NREP: variants seen among roughly 807,000 people sequenced by gnomAD.
The protein encoded by NREP is neuronal regeneration related protein.
In NREP, 5 loss-of-function variants were observed where a neutral mutation model predicts 8.6. The ratio of observed to expected loss-of-function variants is 0.58; its 90% CI spans 0.30 to 1.22. NREP has a LOEUF of 1.22. Among genes scored for constraint, NREP ranks in the 50% most tolerant of loss-of-function variants. The pLI is 0.07. For synonymous variants in NREP, 27 were observed against 28.0 expected (o/e 0.96, Z 0.11); for missense variants, 86 against 82.5 (o/e 1.04, Z -0.17).
chr5:111,972,640 G>C (rs1756853928), intron 2 of NREP, among the ~76,000 whole-genome samples: 1 of 152,182 alleles, frequency 6.6e-6, no homozygotes, highest in Non-Finnish European at 1.5e-5. Context: ...TGGGGTCACA[G>C]TCCAGGTCCC....
chr5:111,822,906 G>A lies in NREP; in HGVS notation c.136-87399C>T, dbSNP rs536105343. Among the ~76,000 whole-genome samples the A allele has an allele frequency of 3.3e-5, 5 of 152,248 alleles. No individual in the cohort carries two copies. In the South Asian group the frequency reaches 1.0e-3, roughly 32 times the overall value. On this transcript the variant is annotated intron_variant, in intron 2 of 3. Transcript: ENST00000395634. ...ACTGGAATCAATAAATAAGAATCAAGTAAAAATTATAAAACTAAAAGCCAT... is the reference window on the plus strand; with the variant it reads ...ACTGGAATCAATAAATAAGAATCAAATAAAAATTATAAAACTAAAAGCCAT...
intron 2 of NREP, among the ~76,000 whole-genome samples, chr5:111,963,276 A>G (rs550175973): frequency 1.5e-3 from 222 of 152,326 alleles, no homozygotes; most frequent in Non-Finnish European, 2.5e-3. Flanking sequence ...CCCTCACACA[A>G]GAGGTTGAGC....
chr5:111,768,427 G>A (rs950934375), intron 2 of NREP, among the ~76,000 whole-genome samples: 5 of 152,172 alleles, frequency 3.3e-5, no homozygotes, highest in African/African-American at 4.8e-5. Flanking sequence ...GTTATATTGT[G>A]TGGTATTGAG....
intron 2 of NREP, among the ~76,000 whole-genome samples, chr5:111,748,540 G>T (rs1249854080): frequency 1.3e-5 from 2 of 152,130 alleles, no homozygotes; most frequent in Non-Finnish European, 2.9e-5. Flanking sequence ...AGGTATGGGA[G>T]CACAGATTAG....
chr5:111,953,316 G>C (rs2112638333), intron 2 of NREP, among the ~76,000 whole-genome samples: 1 of 152,234 alleles, frequency 6.6e-6, no homozygotes, highest in South Asian at 2.1e-4. Flanking sequence ...ATGGCAGTGG[G>C]CATGGGATAT....
At chr5:111,964,543 T>G (rs1466762156) in intron 2 of NREP, among the ~76,000 whole-genome samples, 1 of 152,012 alleles carries the variant, frequency 6.6e-6, no homozygotes, top group African/African-American at 2.4e-5. Flanking sequence ...AAAATTTTTG[T>G]ATATTTAGTA....
At chr5:111,757,399 T>G (rs1581092889), upstream of NREP, 1 of 960,710 alleles carries the variant, frequency 1.0e-6, no homozygotes, top group Non-Finnish European at 1.2e-6. Context: ...TCTCCAAGAG[T>G]GTGTGTGTCT....
At chr5:111,968,852 A>G (rs1428507735) in intron 2 of NREP, among the ~76,000 whole-genome samples, 1 of 152,182 alleles carries the variant, frequency 6.6e-6, no homozygotes, top group East Asian at 1.9e-4. Flanking sequence ...TGTCTACAAA[A>G]CAAAGTCATA....
chr5:111,934,628 C>A (rs751441053), intron 2 of NREP, among the ~76,000 whole-genome samples: 2 of 152,064 alleles, frequency 1.3e-5, no homozygotes, highest in Non-Finnish European at 2.9e-5. Flanking sequence ...TTCTCCTTGA[C>A]TCTCAGGAGG....
chr5:111,731,430 T>TA (rs11376552), intron 3 of NREP, among the ~76,000 whole-genome samples: 118,277 of 141,440 alleles, frequency 0.84, 49,534 homozygotes, highest in Middle Eastern at 0.9. Flanking sequence ...TTGATAATTA[T>TA]AAAAAAAAAA....
At chr5:111,812,168 T>C (rs917388205) in intron 2 of NREP, among the ~76,000 whole-genome samples, 12 of 152,070 alleles carry the variant, frequency 7.9e-5, no homozygotes, top group Admixed American at 6.6e-4. Context: ...ACACCGGTAG[T>C]CCCAGCTAAT....
intron 2 of NREP, among the ~76,000 whole-genome samples, chr5:111,920,017 A>G (rs979973716): frequency 5.5e-5 from 8 of 144,404 alleles, no homozygotes; most frequent in Non-Finnish European, 9.0e-5. Flanking sequence ...GCATGCTCAT[A>G]TGAAGTTTTC....
chr5:111,758,136 G>C, upstream of NREP: 1 of 985,506 alleles, frequency 1.0e-6, no homozygotes, highest in Non-Finnish European at 1.2e-6. Context: ...AGCTGGGTAC[G>C]CGCGCCCCAC....
intron 2 of NREP, among the ~76,000 whole-genome samples, chr5:111,804,545 A>G (rs1467693701): frequency 6.6e-6 from 1 of 152,170 alleles, no homozygotes; most frequent in Admixed American, 6.5e-5. Context: ...GGACTACATT[A>G]AGCAACAATA....
intron 2 of NREP, among the ~76,000 whole-genome samples, chr5:111,823,211 C>T (rs1445338160): frequency 6.6e-6 from 1 of 152,174 alleles, no homozygotes; most frequent in Non-Finnish European, 1.5e-5. Context: ...AGAACTCACT[C>T]ACTGCCTCCT....
intron 2 of NREP, among the ~76,000 whole-genome samples, chr5:111,840,082 G>T (rs749807615): frequency 5.9e-5 from 9 of 151,966 alleles, no homozygotes; most frequent in Non-Finnish European, 8.8e-5. Flanking sequence ...AATGACATAA[G>T]TTATTTAGCG....
chr5:111,744,049 ATAGT>A (rs1347304400), intron 2 of NREP, among the ~76,000 whole-genome samples: 30 of 152,242 alleles, frequency 2.0e-4, no homozygotes, highest in Middle Eastern at 3.4e-3. Context: ...GGTGGATGAG[ATAGT>A]TAGTTGCTTT....
At chr5:111,893,242 C>A (rs1005138176) in intron 2 of NREP, among the ~76,000 whole-genome samples, 2 of 152,156 alleles carry the variant, frequency 1.3e-5, no homozygotes, top group African/African-American at 4.8e-5. Context: ...ACCATACAAA[C>A]AGTTCAGAAC....
At chr5:111,962,604 T>G (rs891877277) in intron 2 of NREP, among the ~76,000 whole-genome samples, 9 of 152,292 alleles carry the variant, frequency 5.9e-5, no homozygotes, top group African/African-American at 9.6e-5. Context: ...AAACCCGCAG[T>G]CCAATCCCTG....
Sources: gnomAD v4.1 joint callset for allele counts (sites outside exome capture counted in the v4.1 genomes callset) on GRCh38, gnomAD v4.1.1 for gene constraint, MANE v1.5 for transcripts, NCBI Gene and HGNC (gene_info 2026-07-23, HGNC 2026-07-21) for gene names.